DNAH17: variants seen among roughly 807,000 people sequenced by gnomAD.
The protein encoded by DNAH17 is axonemal beta dynein heavy chain 17.
In DNAH17, 376 loss-of-function variants were observed where a neutral mutation model predicts 485.6. The observed-to-expected ratio is 0.77, with a 90% confidence interval of 0.71 to 0.84. The LOEUF (loss-of-function observed/expected upper bound fraction) is 0.84, where lower values mean the gene tolerates loss of function less well. Ranked by LOEUF, DNAH17 falls within the 40% of genes least tolerant of loss-of-function variation. The pLI is 0.00. For synonymous variants in DNAH17, 3,031 were observed against 2,405.9 expected, an observed-to-expected ratio of 1.26 and a Z score of -7.60; for missense variants, 6,370 against 5,839.3, an observed-to-expected ratio of 1.09 and a Z score of -2.96.
At chr17:78,425,220 C>T in intron 80 of DNAH17, 126 bp downstream of exon 80, 1 of 905,996 alleles carries the variant, frequency 1.1e-6, no homozygotes, top group Admixed American at 2.5e-5. Context: ...CCCCTGAGAG[C>T]ACCTCTCTCC....
At chr17:78,440,295 C>G (rs556349405) in intron 72 of DNAH17, among the ~76,000 whole-genome samples, 2 of 138,314 alleles carry the variant, frequency 1.4e-5, no homozygotes, top group East Asian at 4.3e-4. Context: ...CTTACTCGGT[C>G]GCCCAGGCTG....
At chr17:78,458,443 G>T in intron 62 of DNAH17, 122 bp downstream of exon 62, 2 of 789,376 alleles carry the variant, frequency 2.5e-6, no homozygotes, top group Non-Finnish European at 2.1e-6. Flanking sequence ...CTCAAGAAGT[G>T]AAAGTGGCAA....
intron 26 of DNAH17, among the ~76,000 whole-genome samples, chr17:78,511,036 G>A (rs972698474): frequency 2.0e-5 from 3 of 152,196 alleles, no homozygotes; most frequent in Non-Finnish European, 4.4e-5. Context: ...ACCCTCCCCC[G>A]GAGCCTCTAG....
At chr17:78,549,325 G>GCACACCAGGAAGAGGGCC (rs1424249713) in intron 16 of DNAH17, among the ~76,000 whole-genome samples, 17 of 152,256 alleles carry the variant, frequency 1.1e-4, no homozygotes, top group African/African-American at 4.1e-4. Flanking sequence ...GCAGCCGTCT[G>GCACACCAGGAAGAGGGCC]CACACCAGGA....
intron 73 of DNAH17, among the ~76,000 whole-genome samples, chr17:78,438,150 G>A (rs1457794931): frequency 2.6e-5 from 4 of 151,788 alleles, no homozygotes; most frequent in Admixed American, 6.6e-5. Flanking sequence ...GTCCTCCCTG[G>A]CATAAGGCTG....
intron 14 of DNAH17, among the ~76,000 whole-genome samples, chr17:78,553,401 A>G (rs1478398485): frequency 1.4e-5 from 2 of 144,824 alleles, no homozygotes; most frequent in Non-Finnish European, 3.0e-5. Flanking sequence ...TCCCGGGTTC[A>G]AGCAATTCTC....
intron 74 of DNAH17, among the ~76,000 whole-genome samples, chr17:78,434,827 G>A (rs1054095042): frequency 2.0e-5 from 3 of 152,218 alleles, no homozygotes; most frequent in Non-Finnish European, 4.4e-5. Context: ...AGAGGCTTCT[G>A]GAAGCCAAGC....
chr17:78,551,727 G>A (rs1166356207), intron 15 of DNAH17, 89 bp from the exon 16 acceptor site: 3 of 1,265,654 alleles, frequency 2.4e-6, no homozygotes, highest in South Asian at 2.5e-5. Context: ...CCTTTGGGAG[G>A]TCAGGGCAGG....
intron 26 of DNAH17, among the ~76,000 whole-genome samples, chr17:78,512,667 T>C (rs1368495155): frequency 6.6e-6 from 1 of 151,982 alleles, no homozygotes; most frequent in Non-Finnish European, 1.5e-5. Context: ...GGAGGCCAGG[T>C]GCGGTGGCTC....
Position 78,425,530 on chromosome 17 carries a change from G to A in DNAH17, c.12957C>T (p.Thr4319=), listed in dbSNP as rs779129937. The part of the protein sequence containing the change: ...AWTTDFALPT[T]VWLAGFFNPQ... ...GGTTGAAGAAGCCGGCCAGCCACAC[G>A]GTGGTGGGCAGGGCAAAGTCTGTCG... is the stretch of plus-strand genomic sequence containing the variant. Residue 4319 remains threonine (T), a synonymous_variant, in exon 80 of 81, where the codon ACC becomes ACT. Coordinates refer to ENST00000389840, the MANE Select transcript of DNAH17 (RefSeq NM_173628.4). The A allele has an allele frequency of 1.2e-4, 187 of 1,613,606 alleles. No homozygotes were observed. The highest frequency in any genetic ancestry group is 6.7e-5 in the East Asian group (3 of 44,898).
intron 16 of DNAH17, among the ~76,000 whole-genome samples, chr17:78,544,391 G>A (rs916149898): frequency 9.9e-5 from 15 of 152,268 alleles, no homozygotes; most frequent in African/African-American, 3.6e-4. Context: ...CAAACGGAGG[G>A]CCACGTGGGA....
At chr17:78,559,365 G>A (rs2092101786) in intron 13 of DNAH17, among the ~76,000 whole-genome samples, 1 of 152,178 alleles carries the variant, frequency 6.6e-6, no homozygotes. Context: ...TGCCCCACCT[G>A]CCCTCTTGGC....
intron 57 of DNAH17, 86 bp downstream of exon 57, chr17:78,462,758 A>C (rs1015541708): frequency 1.5e-6 from 2 of 1,361,064 alleles, no homozygotes; most frequent in African/African-American, 2.9e-5. Context: ...CAGTGTGACC[A>C]GCCCGTGGAT....
chr17:78,560,457 T>C (rs995867708), intron 13 of DNAH17, among the ~76,000 whole-genome samples: 3 of 150,658 alleles, frequency 2.0e-5, no homozygotes, highest in Non-Finnish European at 4.4e-5. Flanking sequence ...AGTGCATTTA[T>C]CTAGATTCGG....
In DNAH17 at chr17:78,572,803, T is replaced by C; in HGVS notation, c.437A>G (p.Lys146Arg). The C allele has an allele frequency of 4.3e-6, 7 of 1,613,938 alleles. No homozygotes were observed. The highest frequency in any genetic ancestry group is 5.9e-6 in the Non-Finnish European group (7 of 1,179,864). Residue 146 changes from lysine to arginine, a missense_variant, in exon 3 of 81, where the codon AAG (lysine) becomes AGG (arginine). Transcript: ENST00000389840. ...GCCACTCATCACAAACATTTCATTC[T>C]TCAGCCTGTGGACCTGCTTCACGAT... ...EDIVKQVHRLKNEMFVMSGKI... is the reference protein window; with the variant it reads ...EDIVKQVHRLRNEMFVMSGKI...
At chr17:78,530,533 C>A (rs528233047) in intron 20 of DNAH17, 21 bp from the exon 21 acceptor site, 3 of 1,591,074 alleles carry the variant, frequency 1.9e-6, no homozygotes, top group South Asian at 2.3e-5. Context: ...CGGCCACCGG[C>A]GGCCTGTCAT....
At chr17:78,511,976 C>G (rs751589978) in intron 26 of DNAH17, among the ~76,000 whole-genome samples, 1 of 152,230 alleles carries the variant, frequency 6.6e-6, no homozygotes, top group Admixed American at 6.5e-5. Context: ...GTGGGTGCCC[C>G]TGTGCCCTCA....
intron 19 of DNAH17, among the ~76,000 whole-genome samples, chr17:78,534,426 A>G (rs1259844189): frequency 6.6e-6 from 1 of 152,232 alleles, no homozygotes; most frequent in Non-Finnish European, 1.5e-5. Flanking sequence ...GTGGATGGAA[A>G]GAAGCCACAG....
rs1245402066 is a variant in DNAH17 at position 78,499,127 on chromosome 17, A to G, written c.5641-15T>C. ...TTTCCACAGGACTGGAAAGGGCGAG[A>G]TGGAGAAAGGAAGAGCTGGGAGGGT... On this transcript the variant is annotated splice_polypyrimidine_tract_variant and intron_variant, in intron 36 of 80. Transcript: ENST00000389840. 5 of 1,537,350 alleles carry G rather than the reference A, an allele frequency of 3.3e-6. No individual in the cohort carries two copies. Among genetic ancestry groups the G allele is most frequent in the Non-Finnish European group, 4.4e-6 (5 of 1,136,772 alleles).
Sources: allele counts gnomAD v4.1 joint callset (sites outside exome capture counted in the v4.1 genomes callset), GRCh38; gene constraint gnomAD v4.1.1; transcripts MANE v1.5; gene names NCBI Gene and HGNC (gene_info 2026-07-23, HGNC 2026-07-21).